The following PRKAR2B variants were observed in gnomAD, a reference collection of about 807,000 sequenced individuals.
PRKAR2B encodes the protein cAMP-dependent protein kinase type II-beta regulatory subunit.
In PRKAR2B, 14 loss-of-function variants were observed where a neutral mutation model predicts 49.9. The observed-to-expected ratio is 0.28, with a 90% confidence interval of 0.19 to 0.44. The LOEUF is 0.44. Among genes scored for constraint, PRKAR2B ranks in the 20% least tolerant of loss-of-function variants. The pLI is 1.00. For synonymous variants in PRKAR2B, 196 were observed against 197.7 expected, an observed-to-expected ratio of 0.99 and a Z score of 0.07; for missense variants, 393 against 537.9, an observed-to-expected ratio of 0.73 and a Z score of 2.67.
At chr7:107,076,384 T>C (rs991156412) in intron 2 of PRKAR2B, among the ~76,000 whole-genome samples, 9 of 152,172 alleles carry the variant, frequency 5.9e-5, no homozygotes, top group Non-Finnish European at 1.2e-4. Flanking sequence ...TTGCATTTAA[T>C]TGTCATGACT....
In PRKAR2B at chr7:107,144,439, T is replaced by A. The variant is rs139996457; in HGVS notation, c.588-1869T>A. On this transcript the variant is annotated intron_variant, in intron 5 of 10. Transcript: ENST00000265717. ...TCATGTTTCTGCTGTTATTGCTTCTTTATTATTAATAATCCTTTTCTTTCT... is the reference window on the plus strand; with the variant it reads ...TCATGTTTCTGCTGTTATTGCTTCTATATTATTAATAATCCTTTTCTTTCT... 3.5e-4 allele frequency among the ~76,000 whole-genome samples: 54 copies of A among 152,180 alleles called. 1 individual carries two copies. The highest frequency in any genetic ancestry group is 3.3e-3 in the South Asian group (16 of 4,816).
intron 1 of PRKAR2B, among the ~76,000 whole-genome samples, chr7:107,061,675 A>AG (rs1794029507): frequency 6.6e-6 from 1 of 152,170 alleles, no homozygotes; most frequent in Non-Finnish European, 1.5e-5. Flanking sequence ...AGGCCTAGGC[A>AG]GGCAGATCAC....
At chr7:107,114,674 T>C (rs897820714) in intron 2 of PRKAR2B, among the ~76,000 whole-genome samples, 4 of 151,848 alleles carry the variant, frequency 2.6e-5, no homozygotes, top group African/African-American at 9.7e-5. Flanking sequence ...CTGGCCAGCA[T>C]GTACAGTTTT....
chr7:107,108,478 G>T (rs532469203), intron 2 of PRKAR2B, among the ~76,000 whole-genome samples: 1 of 152,338 alleles, frequency 6.6e-6, no homozygotes, highest in South Asian at 2.1e-4. Context: ...ACACCCAAAT[G>T]ATAGGGGATA....
chr7:107,059,964 C>T (rs1029294371), intron 1 of PRKAR2B, among the ~76,000 whole-genome samples: 1 of 151,950 alleles, frequency 6.6e-6, no homozygotes, highest in Non-Finnish European at 1.5e-5. Flanking sequence ...GGAGCAAATA[C>T]GAGAACCCAG....
intron 2 of PRKAR2B, among the ~76,000 whole-genome samples, chr7:107,108,087 C>G (rs557542484): frequency 1.3e-5 from 2 of 152,232 alleles, no homozygotes; most frequent in South Asian, 2.1e-4. Flanking sequence ...ACCAACAACC[C>G]TAACAGGGTG....
At chr7:107,126,828 G>A (rs955846197) in intron 3 of PRKAR2B, among the ~76,000 whole-genome samples, 1 of 152,100 alleles carries the variant, frequency 6.6e-6, no homozygotes, top group Admixed American at 6.5e-5. Context: ...AAGTCCCTGG[G>A]ATCTACTTTG....
At position 107,070,331 on chromosome 7, in the gene PRKAR2B, A is replaced by G; in HGVS notation, c.343+15A>G. On this transcript the variant is annotated intron_variant, in intron 2 of 10. Transcript: ENST00000265717. ...GCGTGCCTCAGGTAAGTCTGATTATATTATGGATTTTGTTTATTAATGGTG... is the reference window on the plus strand; with the variant it reads ...GCGTGCCTCAGGTAAGTCTGATTATGTTATGGATTTTGTTTATTAATGGTG... 1 of 1,591,560 alleles carries G rather than the reference A, an allele frequency of 6.3e-7. No individual in the cohort carries two copies.
At chr7:107,076,926 C>G (rs1319953520) in intron 2 of PRKAR2B, among the ~76,000 whole-genome samples, 1 of 152,164 alleles carries the variant, frequency 6.6e-6, no homozygotes, top group Non-Finnish European at 1.5e-5. Context: ...CACATCTTGT[C>G]TTGAATCTGA....
At chr7:107,128,609 A>G (rs925723019) in intron 4 of PRKAR2B, among the ~76,000 whole-genome samples, 1 of 152,146 alleles carries the variant, frequency 6.6e-6, no homozygotes, top group Non-Finnish European at 1.5e-5. Context: ...GCACAGGTAA[A>G]AAGATGGTAG....
intron 2 of PRKAR2B, among the ~76,000 whole-genome samples, chr7:107,120,948 A>G (rs1257542848): frequency 6.6e-6 from 1 of 151,424 alleles, no homozygotes; most frequent in Non-Finnish European, 1.5e-5. Context: ...AACATTTGCT[A>G]TGGCTTAAAA....
chr7:107,153,912 T>TTTTTGTA (rs1796033197), intron 8 of PRKAR2B, among the ~76,000 whole-genome samples: 1 of 152,360 alleles, frequency 6.6e-6, no homozygotes, highest in Non-Finnish European at 1.5e-5. Flanking sequence ...GATTCTGTAA[T>TTTTTGTA]TTTTGTATCA....
At position 107,146,501 on chromosome 7, in the gene PRKAR2B, T is replaced by C. The variant is rs774001237; in HGVS notation, c.741+40T>C. On this transcript the variant is annotated intron_variant, in intron 6 of 10. Transcript: ENST00000265717. ...TATTTGACCTGAATGTTATGATTTG[T>C]AGCAATTGCTATGACGGTGTTACAA... 1.9e-6 allele frequency: 3 copies of C among 1,584,746 alleles called. No individual in the cohort carries two copies. The East Asian group carries it at 6.8e-5, about 36-fold the overall frequency.
chr7:107,066,411 C>T (rs1584408087), intron 1 of PRKAR2B, among the ~76,000 whole-genome samples: 1 of 151,998 alleles, frequency 6.6e-6, no homozygotes, highest in South Asian at 2.1e-4. Context: ...TGACTTGTCA[C>T]ATTTTAAGAT....
chr7:107,100,120 G>T (rs1562856847), intron 2 of PRKAR2B, among the ~76,000 whole-genome samples: 1 of 151,864 alleles, frequency 6.6e-6, no homozygotes. Flanking sequence ...GTAGATTTGA[G>T]TTACTATCTA....
intron 4 of PRKAR2B, among the ~76,000 whole-genome samples, chr7:107,132,228 C>T (rs574820470): frequency 1.4e-4 from 22 of 152,258 alleles, no homozygotes; most frequent in African/African-American, 5.3e-4. Flanking sequence ...TGGCAACCAT[C>T]CAGTGATGGA....
chr7:107,130,331 C>G (rs946050078), intron 4 of PRKAR2B, among the ~76,000 whole-genome samples: 2 of 151,598 alleles, frequency 1.3e-5, no homozygotes, highest in Admixed American at 6.6e-5. Flanking sequence ...AACACTGTCT[C>G]TACTAAAAAA....
chr7:107,137,400 C>G (rs539312247), intron 4 of PRKAR2B, among the ~76,000 whole-genome samples: 1 of 152,318 alleles, frequency 6.6e-6, no homozygotes, highest in South Asian at 2.1e-4. Context: ...GTCTGAAAAT[C>G]CCTACATGCC....
intron 2 of PRKAR2B, among the ~76,000 whole-genome samples, chr7:107,070,584 A>G (rs1170856837): frequency 6.6e-6 from 1 of 152,182 alleles, no homozygotes; most frequent in African/African-American, 2.4e-5. Context: ...GCCTTTTTAA[A>G]TGGAGACTCT....
Sources: allele counts gnomAD v4.1 joint callset (sites outside exome capture counted in the v4.1 genomes callset), GRCh38; gene constraint gnomAD v4.1.1; transcripts MANE v1.5; gene names NCBI Gene and HGNC (gene_info 2026-07-23, HGNC 2026-07-21).